CUL3: variants seen among roughly 807,000 people sequenced by gnomAD.
CUL3 encodes cullin 3.
In CUL3, 19 loss-of-function variants were observed where a neutral mutation model predicts 89.1. The observed-to-expected ratio is 0.21, with a 90% confidence interval of 0.15 to 0.31. CUL3 has a LOEUF of 0.31. Ranked by LOEUF, CUL3 falls within the 10% of genes least tolerant of loss-of-function variation. The probability of loss-of-function intolerance (pLI) is 1.00; values close to 1 mark genes in which losing one functional copy is unlikely to be tolerated. For synonymous variants in CUL3, 351 were observed against 308.4 expected (o/e 1.14, Z -1.45); for missense variants, 469 against 942.3 (o/e 0.50, Z 6.58).
rs56902641 is a variant in CUL3 at position 224,550,841 on chromosome 2, C to G, written c.264+6818G>C. 4.5e-3 allele frequency among the ~76,000 whole-genome samples: 688 copies of G among 152,268 alleles called. 10 individuals carry two copies. Among genetic ancestry groups the G allele is most frequent in the African/African-American group, 0.016 (665 of 41,544 alleles). On this transcript the variant is annotated intron_variant, in intron 2 of 15. Transcript: ENST00000264414. Reference sequence around the variant, plus strand: ...CCCCTTATTTCAACTCTTATGCTCTCTAACTTATTTATCTTGCTTAAAATC... The same window carrying G: ...CCCCTTATTTCAACTCTTATGCTCTGTAACTTATTTATCTTGCTTAAAATC...
intron 3 of CUL3, among the ~76,000 whole-genome samples, chr2:224,534,025 T>C (rs1693789726): frequency 6.6e-6 from 1 of 152,026 alleles, no homozygotes; most frequent in Non-Finnish European, 1.5e-5. Context: ...ACATTAAAAC[T>C]AAAAAAACTA....
At chr2:224,577,492 C>T (rs956915029) in intron 1 of CUL3, among the ~76,000 whole-genome samples, 8 of 152,004 alleles carry the variant, frequency 5.3e-5, no homozygotes, top group Non-Finnish European at 1.0e-4. Flanking sequence ...TGGCGTGAAC[C>T]CGGGAGGTGG....
In CUL3 at chr2:224,472,843, T is replaced by G. The variant is rs1341878975; in HGVS notation, c.*1402A>C. 4.8e-6 allele frequency: 1 copy of G among 208,638 alleles called. No homozygotes were observed. The highest frequency in any genetic ancestry group is 2.3e-5 in the African/African-American group (1 of 44,038). The allele number at this position is 208,638 out of a possible 1,614,324, so 12.9% of individuals were successfully genotyped here. A position where few individuals can be genotyped will look rare whatever the true frequency, so the allele number is the denominator to read the frequency against. Reference sequence around the variant, plus strand: ...AGAAACCATCTTCTGAGACATACATTCTAATAAATGTATCAACAGTACTGA... The same window carrying G: ...AGAAACCATCTTCTGAGACATACATGCTAATAAATGTATCAACAGTACTGA... On this transcript the variant is annotated 3_prime_UTR_variant, in exon 16 of 16. Coordinates refer to ENST00000264414, the MANE Select transcript of CUL3 (RefSeq NM_003590.5).
chr2:224,541,015 G>A (rs904899248), intron 2 of CUL3, among the ~76,000 whole-genome samples: 1 of 151,870 alleles, frequency 6.6e-6, no homozygotes, highest in Non-Finnish European at 1.5e-5. Context: ...CAAAGAAAAA[G>A]GTCAGATTAC....
At chr2:224,567,360 G>A (rs1224884148) in intron 1 of CUL3, among the ~76,000 whole-genome samples, 3 of 152,164 alleles carry the variant, frequency 2.0e-5, no homozygotes, top group Admixed American at 1.3e-4. Flanking sequence ...TGGGACTACC[G>A]TTGTGTGCCA....
At chr2:224,534,575 GT>G (rs957665578) in intron 3 of CUL3, among the ~76,000 whole-genome samples, 8 of 152,184 alleles carry the variant, frequency 5.3e-5, no homozygotes, top group African/African-American at 1.4e-4. Context: ...TGTTAATATG[GT>G]TTTTTCCATA....
chr2:224,580,776 T>G (rs1425892370), intron 1 of CUL3, among the ~76,000 whole-genome samples: 1 of 152,172 alleles, frequency 6.6e-6, no homozygotes, highest in Non-Finnish European at 1.5e-5. Context: ...AAATATCCAG[T>G]AAGTTCAATT....
chr2:224,477,621 C>A (rs1311037684), intron 15 of CUL3, among the ~76,000 whole-genome samples: 1 of 152,220 alleles, frequency 6.6e-6, no homozygotes, highest in African/African-American at 2.4e-5. Flanking sequence ...CATTACCCTT[C>A]TCTTTTTGGT....
chr2:224,579,991 A>C (rs1695396208), intron 1 of CUL3, among the ~76,000 whole-genome samples: 1 of 152,220 alleles, frequency 6.6e-6, no homozygotes, highest in Non-Finnish European at 1.5e-5. Context: ...TAAAAGGTTC[A>C]CCTGAAAGCA....
In CUL3 at chr2:224,470,888, G is replaced by T. The variant is rs547732777; in HGVS notation, c.*3357C>A. On this transcript the variant is annotated 3_prime_UTR_variant, in exon 16 of 16. Coordinates refer to ENST00000264414, the MANE Select transcript of CUL3 (RefSeq NM_003590.5). Reference sequence around the variant, plus strand: ...TTAATATGGAAAATCATGTCAATTTGTAACATGGAATATGGATAGGATTAA... The same window carrying T: ...TTAATATGGAAAATCATGTCAATTTTTAACATGGAATATGGATAGGATTAA... 3 of 229,156 alleles carry T rather than the reference G, an allele frequency of 1.3e-5. No homozygotes were observed. Among genetic ancestry groups the T allele is most frequent in the African/African-American group, 4.4e-5 (2 of 45,232 alleles). The allele number at this position is 229,156 out of a possible 1,614,324, so 14.2% of individuals were successfully genotyped here.
rs1692597115 is a variant in CUL3 at position 224,506,279 on chromosome 2, C to T, written c.1030-147G>A. On this transcript the variant is annotated intron_variant, in intron 7 of 15. Coordinates refer to ENST00000264414, the MANE Select transcript of CUL3 (RefSeq NM_003590.5). ...TTACAGTTTTGATATTATTTTCAAG[C>T]CTATATCTAAGCCTCTATTAAAAAT... 4 of 566,006 alleles carry T rather than the reference C, an allele frequency of 7.1e-6. No homozygotes were observed. The African/African-American group carries it at 7.6e-5, about 11-fold the overall frequency. The allele number at this position is 566,006 out of a possible 1,614,324, so 35.1% of individuals were successfully genotyped here.
chr2:224,540,997 T>C (rs1026123487), intron 2 of CUL3, among the ~76,000 whole-genome samples: 5 of 152,184 alleles, frequency 3.3e-5, no homozygotes, highest in African/African-American at 7.2e-5. Context: ...CAATGCACCA[T>C]AGTAATCCAA....
chr2:224,493,180 A>C (rs1006331504), intron 13 of CUL3, among the ~76,000 whole-genome samples: 4 of 152,334 alleles, frequency 2.6e-5, no homozygotes, highest in South Asian at 2.1e-4. Context: ...TGGTTGTTTT[A>C]AATCACTAAC....
At chr2:224,577,253 C>T (rs909239940) in intron 1 of CUL3, among the ~76,000 whole-genome samples, 2 of 152,138 alleles carry the variant, frequency 1.3e-5, no homozygotes, top group African/African-American at 2.4e-5. Context: ...ACTGAGGCTA[C>T]AAGAAGTAAC....
At position 224,535,598 on chromosome 2, in the gene CUL3, T is replaced by G; in HGVS notation, c.308A>C (p.Gln103Pro). 1 of 1,613,308 alleles carries G rather than the reference T, an allele frequency of 6.2e-7. No homozygotes were observed. The highest frequency in any genetic ancestry group is 8.5e-7 in the Non-Finnish European group (1 of 1,179,618). ...VLNSLNNNFL[Q>P]TLNQAWNDHQ... is the part of the protein sequence containing the mutation. ...ATCATTCCAAGCTTGATTTAGCGTTTGAAGAAAGTTGTTATTCAATGAATT... is the reference window on the plus strand; with the variant it reads ...ATCATTCCAAGCTTGATTTAGCGTTGGAAGAAAGTTGTTATTCAATGAATT... The change falls in exon 3 of 16, where the codon CAA becomes CCA. Residue 103 changes from glutamine to proline, a missense_variant. Coordinates refer to ENST00000264414, the MANE Select transcript of CUL3 (RefSeq NM_003590.5).
intron 3 of CUL3, chr2:224,533,000 C>G (rs1472199098): frequency 6.6e-6 from 1 of 152,150 alleles, no homozygotes; most frequent in Non-Finnish European, 1.5e-5. Context: ...TCTCTTTTCT[C>G]TGAGAAATAG....
intron 2 of CUL3, among the ~76,000 whole-genome samples, chr2:224,539,051 T>C (rs1403966058): frequency 1.3e-5 from 2 of 151,930 alleles, no homozygotes; most frequent in Non-Finnish European, 2.9e-5. Context: ...AGCCACAGAC[T>C]GGGAGAAAGT....
At chr2:224,523,997 T>G (rs1389169309) in intron 3 of CUL3, among the ~76,000 whole-genome samples, 1 of 152,104 alleles carries the variant, frequency 6.6e-6, no homozygotes, top group Admixed American at 6.6e-5. Flanking sequence ...TGGTGACAGC[T>G]CTGTACAACA....
chr2:224,520,589 A>G (rs1409184904), intron 3 of CUL3, among the ~76,000 whole-genome samples: 3 of 152,246 alleles, frequency 2.0e-5, no homozygotes, highest in African/African-American at 7.2e-5. Flanking sequence ...GTTTTAAAAC[A>G]TCAACTAGGA....
Sources: gnomAD v4.1 joint callset for allele counts (sites outside exome capture counted in the v4.1 genomes callset) on GRCh38, gnomAD v4.1.1 for gene constraint, MANE v1.5 for transcripts, NCBI Gene and HGNC (gene_info 2026-07-23, HGNC 2026-07-21) for gene names.